TMEM154: variants seen among roughly 807,000 people sequenced by gnomAD.
TMEM154 encodes the protein transmembrane protein 154.
In TMEM154, 27 loss-of-function variants were observed where a neutral mutation model predicts 24.5. That is an observed-to-expected ratio of 1.10 (90% confidence interval 0.81 to 1.52). The LOEUF is 1.52. Among genes scored for constraint, TMEM154 ranks in the 40% most tolerant of loss-of-function variants. The probability of loss-of-function intolerance (pLI) is 0.00; values close to 1 mark genes in which losing one functional copy is unlikely to be tolerated. For missense variants in TMEM154, 228 were observed against 213.4 expected, an observed-to-expected ratio of 1.07 and a Z score of -0.43; for synonymous variants, 67 against 76.8, an observed-to-expected ratio of 0.87 and a Z score of 0.67.
intron 1 of TMEM154, among the ~76,000 whole-genome samples, chr4:152,674,796 TA>T (rs1172319938): frequency 1.3e-5 from 2 of 152,124 alleles, no homozygotes; most frequent in East Asian, 1.9e-4. Context: ...GGGGTTCTGT[TA>T]AGTAGGGTGA....
At chr4:152,647,643 A>G (rs1055133177) in intron 3 of TMEM154, among the ~76,000 whole-genome samples, 1 of 152,240 alleles carries the variant, frequency 6.6e-6, no homozygotes, top group African/African-American at 2.4e-5. Flanking sequence ...ATGTTCTTTA[A>G]TAAACATTCT....
intron 3 of TMEM154, among the ~76,000 whole-genome samples, chr4:152,648,614 G>T: frequency 6.6e-6 from 1 of 152,216 alleles, no homozygotes; most frequent in East Asian, 1.9e-4. Context: ...CATCCTGAAA[G>T]TCAAGTCAAG....
At chr4:152,673,856 A>AC (rs1476974222) in intron 1 of TMEM154, among the ~76,000 whole-genome samples, 1 of 152,068 alleles carries the variant, frequency 6.6e-6, no homozygotes, top group Non-Finnish European at 1.5e-5. Flanking sequence ...CAATGCTATC[A>AC]TCAACAACCT....
At chr4:152,657,792 G>T (rs1728519764) in intron 1 of TMEM154, among the ~76,000 whole-genome samples, 1 of 152,098 alleles carries the variant, frequency 6.6e-6, no homozygotes, top group African/African-American at 2.4e-5. Flanking sequence ...CAGGCCAGGA[G>T]ACAACAGGGT....
Position 152,628,569 on chromosome 4 carries a change from AAAAAAAAAAAAAAAAAAAAAAAAC to A in TMEM154, c.537-32_537-9del, listed in dbSNP as rs1751960166. Reference sequence around the variant, plus strand: ...GTTTAGGATTCACTGTCACTGTAAAAAAAAAAAAAAAAAAAAAAAAAAACAAAAAAAACACACACACACACACAA... The same window carrying A: ...GTTTAGGATTCACTGTCACTGTAAAAAAAAAAAACACACACACACACACAA... On this transcript the variant is annotated splice_polypyrimidine_tract_variant and intron_variant, in intron 6 of 6. Coordinates refer to ENST00000304385, the MANE Select transcript of TMEM154 (RefSeq NM_152680.3). The A allele has an allele frequency of 1.2e-6, 1 of 839,266 alleles. No individual in the cohort carries two copies. The highest frequency in any genetic ancestry group is 1.6e-6 in the Non-Finnish European group (1 of 627,284). 52.0% of individuals were successfully genotyped at this position (839,266 alleles called of 1,614,324 possible).
chr4:152,656,788 G>A (rs200961789), intron 1 of TMEM154, among the ~76,000 whole-genome samples: 1 of 151,986 alleles, frequency 6.6e-6, no homozygotes, highest in East Asian at 1.9e-4. Context: ...GGGCATGGTG[G>A]TGCATGCCTG....
intron 1 of TMEM154, among the ~76,000 whole-genome samples, chr4:152,657,410 A>T (rs1368437687): frequency 1.3e-5 from 2 of 151,994 alleles, no homozygotes. Flanking sequence ...GCTACTCAGG[A>T]GGCTTAGGCA....
chr4:152,628,694 T>C, intron 6 of TMEM154, 133 bp from the exon 7 acceptor site: 2 of 1,152,352 alleles, frequency 1.7e-6, no homozygotes, highest in Non-Finnish European at 2.3e-6. Flanking sequence ...TGGAGCGCAG[T>C]GGCACAATCT....
chr4:152,654,025 G>T (rs1728442328), intron 1 of TMEM154, among the ~76,000 whole-genome samples: 1 of 149,312 alleles, frequency 6.7e-6, no homozygotes. Flanking sequence ...GGCAACAAGA[G>T]CGACACTCCA....
At chr4:152,659,991 T>C (rs921506549) in intron 1 of TMEM154, among the ~76,000 whole-genome samples, 3 of 152,136 alleles carry the variant, frequency 2.0e-5, no homozygotes, top group African/African-American at 7.2e-5. Flanking sequence ...CGGTTGACCA[T>C]GGGTAACTGA....
intron 6 of TMEM154, among the ~76,000 whole-genome samples, chr4:152,631,146 C>T (rs1294058695): frequency 6.6e-6 from 1 of 152,148 alleles, no homozygotes. Context: ...AATTTTAAAG[C>T]TTTAATGGCC....
intron 1 of TMEM154, chr4:152,669,562 A>G (rs1728786220): frequency 6.6e-6 from 1 of 152,214 alleles, no homozygotes; most frequent in South Asian, 2.1e-4. Flanking sequence ...TTCACATTTA[A>G]CTGGTTGTCC....
intron 1 of TMEM154, 98 bp downstream of exon 1, chr4:152,679,772 T>C: frequency 2.7e-6 from 4 of 1,506,784 alleles, no homozygotes; most frequent in South Asian, 1.2e-5. Context: ...GATTAGATTT[T>C]CTGGGTGTCA....
chr4:152,651,326 T>C (rs1176235885), intron 3 of TMEM154, among the ~76,000 whole-genome samples: 1 of 152,172 alleles, frequency 6.6e-6, no homozygotes, highest in African/African-American at 2.4e-5. Flanking sequence ...TCAGATGGCA[T>C]CTTCTTCCAA....
chr4:152,661,289 TCTCTCTC>T (rs1561054937), intron 1 of TMEM154, among the ~76,000 whole-genome samples: 48 of 46,484 alleles, frequency 1.0e-3, no homozygotes, highest in African/African-American at 2.9e-3. Flanking sequence ...TCTCTTTCTC[TCTCTCTC>T]TCTCTCTCTC....
In TMEM154 at chr4:152,634,678, C is replaced by T. The variant is rs373599004; in HGVS notation, c.537-6117G>A. Reference sequence around the variant, plus strand: ...ATACATGCACACACACACGTGCGCACGTGCATCTGTGTTTTAATAATATTA... The same window carrying T: ...ATACATGCACACACACACGTGCGCATGTGCATCTGTGTTTTAATAATATTA... On this transcript the variant is annotated intron_variant, in intron 6 of 6. Coordinates refer to ENST00000304385, the MANE Select transcript of TMEM154 (RefSeq NM_152680.3). Among the ~76,000 whole-genome samples the T allele has an allele frequency of 1.4e-4, 21 of 152,306 alleles. 1 individual carries two copies. The East Asian group carries it at 2.9e-3, about 21-fold the overall frequency.
rs138262078 is a variant in TMEM154 at position 152,623,922 on chromosome 4, G to T, written c.*4624C>A. On this transcript the variant is annotated 3_prime_UTR_variant, in exon 7 of 7. Coordinates refer to ENST00000304385, the MANE Select transcript of TMEM154 (RefSeq NM_152680.3). ...GGAAATGGGAAACTGTTAAGAATATGCTTTTCATAAAAGTCCAGTTACTTA... is the reference window on the plus strand; with the variant it reads ...GGAAATGGGAAACTGTTAAGAATATTCTTTTCATAAAAGTCCAGTTACTTA... The T allele has an allele frequency of 6.6e-6, 1 of 150,676 alleles. No individual in the cohort carries two copies. Among genetic ancestry groups the T allele is most frequent in the Non-Finnish European group, 1.5e-5 (1 of 67,740 alleles). The allele number at this position is 150,676 out of a possible 1,614,324, so 9.3% of individuals were successfully genotyped here. A position where few individuals can be genotyped will look rare whatever the true frequency, so the allele number is the denominator to read the frequency against.
At chr4:152,641,054 C>T (rs1561046774) in intron 5 of TMEM154, 69 bp from the exon 6 acceptor site, 1 of 1,441,586 alleles carries the variant, frequency 6.9e-7, no homozygotes, top group Non-Finnish European at 9.6e-7. Flanking sequence ...AAACCTGATA[C>T]AGTTAAATAC....
In TMEM154 at chr4:152,623,129, G is replaced by A. The variant is rs1751867156; in HGVS notation, c.*5417C>T. 1 of 152,132 alleles carries A rather than the reference G, an allele frequency of 6.6e-6. No homozygotes were observed. The highest frequency in any genetic ancestry group is 1.5e-5 in the Non-Finnish European group (1 of 68,024). 9.4% of individuals were successfully genotyped at this position (152,132 alleles called of 1,614,324 possible). On this transcript the variant is annotated 3_prime_UTR_variant, in exon 7 of 7. Transcript: ENST00000304385. The stretch of plus-strand genomic sequence containing the variant: ...GGGAAGTAAGCCACTGTGCCTGGCT[G>A]GGACCACTTCTAATATGAGGCTTAC...
Sources: allele counts gnomAD v4.1 joint callset (sites outside exome capture counted in the v4.1 genomes callset), GRCh38; gene constraint gnomAD v4.1.1; transcripts MANE v1.5; gene names NCBI Gene and HGNC (gene_info 2026-07-23, HGNC 2026-07-21).